The following CBR4 variants were observed in gnomAD, a reference collection of about 807,000 sequenced individuals.
CBR4 encodes the protein 3-oxoacyl-[acyl-carrier-protein] reductase.
CBR4 carries 22 observed loss-of-function variants against 21.0 expected under a neutral mutation model. The ratio of observed to expected loss-of-function variants is 1.05; its 90% CI spans 0.75 to 1.50. The LOEUF (loss-of-function observed/expected upper bound fraction) is 1.50. Among genes scored for constraint, CBR4 ranks in the 40% most tolerant of loss-of-function variants. The pLI is 0.00. For missense variants in CBR4, 302 were observed against 286.3 expected, an observed-to-expected ratio of 1.05 and a Z score of -0.40; for synonymous variants, 100 against 104.4, an observed-to-expected ratio of 0.96 and a Z score of 0.26.
At chr4:168,990,935 T>A (rs1659246136) in intron 4 of CBR4, among the ~76,000 whole-genome samples, 1 of 151,722 alleles carries the variant, frequency 6.6e-6, no homozygotes, top group Non-Finnish European at 1.5e-5. Flanking sequence ...ACGCCTGTAA[T>A]CCCAGCTACT....
chr4:168,949,306 A>G (rs1763476123), intron 2 of CBR4, among the ~76,000 whole-genome samples: 1 of 152,134 alleles, frequency 6.6e-6, no homozygotes, highest in Non-Finnish European at 1.5e-5. Flanking sequence ...TCATATCGTC[A>G]GCAAACAGTG....
At chr4:168,963,750 C>G (rs1763932975) in intron 2 of CBR4, among the ~76,000 whole-genome samples, 1 of 152,008 alleles carries the variant, frequency 6.6e-6, no homozygotes, top group Admixed American at 6.6e-5. Flanking sequence ...GAGGCATGAG[C>G]CACCGCGCCC....
In CBR4 at chr4:168,924,976, C is replaced by T. The variant is rs59633770; in HGVS notation, n.170-30211G>A. On this transcript the variant is annotated intron_variant and non_coding_transcript_variant, in intron 2 of 3. Coordinates refer to the CBR4 transcript ENST00000509108. ...CCAGGACAACCACGGCTACATCTGC[C>T]TGCTCATTCAGGGAGCCACAAAAGA... 1,778 of 1,614,110 alleles carry T rather than the reference C, an allele frequency of 1.1e-3. 17 individuals are homozygous for T. In the East Asian group the frequency reaches 0.025, roughly 23 times the overall value.
At chr4:168,896,042 T>C (rs894150813) in intron 2 of CBR4, among the ~76,000 whole-genome samples, 2 of 152,100 alleles carry the variant, frequency 1.3e-5, no homozygotes, top group Non-Finnish European at 2.9e-5. Flanking sequence ...AAACCCCGTC[T>C]CTACTGAAAA....
Position 168,898,601 on chromosome 4 carries a change from C to T in CBR4, n.170-3836G>A, listed in dbSNP as rs1200043720. The T allele has an allele frequency of 3.1e-6, 5 of 1,613,242 alleles. No individual in the cohort carries two copies. In the African/African-American group the frequency reaches 5.3e-5, roughly 17 times the overall value. On this transcript the variant is annotated intron_variant and non_coding_transcript_variant, in intron 2 of 3. Transcript: ENST00000509108. Reference sequence around the variant, plus strand: ...TGATGAAGTTCAGTATGGAGATGTGCCTGTGGAAAATGGAATGGCACCATT... The same window carrying T: ...TGATGAAGTTCAGTATGGAGATGTGTCTGTGGAAAATGGAATGGCACCATT...
chr4:168,935,440 A>C (rs1224681165), intron 2 of CBR4, among the ~76,000 whole-genome samples: 1 of 152,082 alleles, frequency 6.6e-6, no homozygotes, highest in Non-Finnish European at 1.5e-5. Flanking sequence ...AAGGGGGCTC[A>C]AGCTAGGGAG....
intron 2 of CBR4, among the ~76,000 whole-genome samples, chr4:168,900,468 T>C (rs1343209720): frequency 2.6e-5 from 4 of 152,150 alleles, no homozygotes; most frequent in Non-Finnish European, 5.9e-5. Flanking sequence ...AAAATAAGCA[T>C]AGAGCAATGT....
rs200929216 is a variant in CBR4, at chr4:168,924,509, G to C, written n.170-29744C>G. On this transcript the variant is annotated intron_variant and non_coding_transcript_variant, in intron 2 of 3. Coordinates refer to the CBR4 transcript ENST00000509108. ...CATTTTATATAGCATGGAAATCTAT[G>C]TGTAAAAGCCACATAGATGTTTTGA... The C allele has an allele frequency of 3.6e-5, 45 of 1,247,584 alleles. No individual in the cohort carries two copies. The East Asian group carries it at 9.8e-4, about 27-fold the overall frequency. The allele number at this position is 1,247,584 out of a possible 1,614,324, so 77.3% of individuals were successfully genotyped here. A position where few individuals can be genotyped will look rare whatever the true frequency, so the allele number is the denominator to read the frequency against.
chr4:168,960,822 T>C (rs1282128931), intron 2 of CBR4, among the ~76,000 whole-genome samples: 3 of 152,238 alleles, frequency 2.0e-5, no homozygotes, highest in Non-Finnish European at 4.4e-5. Flanking sequence ...CTTACCAAAA[T>C]GAGCATGTTT....
chr4:168,904,144 T>C, intron 2 of CBR4: 1 of 510,150 alleles, frequency 2.0e-6, no homozygotes, highest in Non-Finnish European at 3.5e-6. Flanking sequence ...AAGGGTCTAA[T>C]ATGTACACAC....
At chr4:168,947,561 CT>C (rs1477217586) in intron 2 of CBR4, among the ~76,000 whole-genome samples, 3 of 152,166 alleles carry the variant, frequency 2.0e-5, no homozygotes, top group African/African-American at 7.2e-5. Context: ...CCCAAGTCCC[CT>C]AAGTCCACTG....
intron 2 of CBR4, among the ~76,000 whole-genome samples, chr4:168,905,292 A>G (rs1757465400): frequency 6.6e-6 from 1 of 150,640 alleles, no homozygotes. Flanking sequence ...CTGGGACTAC[A>G]GGCACCCACC....
intron 2 of CBR4, among the ~76,000 whole-genome samples, chr4:168,953,733 T>C (rs1235778555): frequency 6.6e-6 from 1 of 152,100 alleles, no homozygotes; most frequent in Non-Finnish European, 1.5e-5. Context: ...CCAATCTGCT[T>C]ATTAACACTC....
intron 4 of CBR4, among the ~76,000 whole-genome samples, chr4:168,997,725 T>C (rs1244559463): frequency 6.6e-6 from 1 of 152,186 alleles, no homozygotes. Context: ...CATTTTTATA[T>C]ACAGCAGAGC....
intron 2 of CBR4, among the ~76,000 whole-genome samples, chr4:168,908,660 T>A (rs1758307905): frequency 6.6e-6 from 1 of 152,146 alleles, no homozygotes; most frequent in South Asian, 2.1e-4. Flanking sequence ...AAAAAGTATT[T>A]GGGTTTGAAA....
At chr4:168,897,914 G>A (rs1234953062) in intron 2 of CBR4, 1 of 152,586 alleles carries the variant, frequency 6.6e-6, no homozygotes, top group African/African-American at 2.4e-5. Flanking sequence ...GAGCTGAGGA[G>A]GCGGCCCTTG....
intron 2 of CBR4, chr4:168,921,822 C>A: frequency 2.7e-6 from 3 of 1,112,700 alleles, no homozygotes; most frequent in Non-Finnish European, 4.1e-6. Flanking sequence ...CATTACTAAC[C>A]AATACGGAAA....
In CBR4 at chr4:168,975,043, G is replaced by A. The variant is rs568352209; in HGVS notation, n.169+27028C>T. ...CTTCTCATTTGGGTAGATTGTTTCAGTGGAAAGATCTGGGACTCAATGGCT... is the reference window on the plus strand; with the variant it reads ...CTTCTCATTTGGGTAGATTGTTTCAATGGAAAGATCTGGGACTCAATGGCT... On this transcript the variant is annotated intron_variant and non_coding_transcript_variant, in intron 2 of 3. Coordinates refer to the CBR4 transcript ENST00000509108. Among the ~76,000 whole-genome samples the A allele has an allele frequency of 2.0e-5, 3 of 152,276 alleles. No homozygotes were observed. The East Asian group carries it at 5.8e-4, about 29-fold the overall frequency.
rs141139186 is a variant in CBR4, at chr4:169,010,004, A to T, written c.86T>A (p.Leu29Gln). ...AQLMARKGYRLAVIARNLEGA... is the reference protein window; with the variant it reads ...AQLMARKGYRQAVIARNLEGA... ...TTCCAGGTTTCTGGCAATGACCGCC[A>T]GTCGGTAGCCTTTCCGGGCCATTAA... The change falls in exon 1 of 5, where the codon CTG becomes CAG. Residue 29 changes from leucine to glutamine, a missense_variant. By Grantham distance (113) the Leu-to-Gln change is moderately radical. Coordinates refer to ENST00000306193, the MANE Select transcript of CBR4 (RefSeq NM_032783.5). 47 of 1,613,624 alleles carry T rather than the reference A, an allele frequency of 2.9e-5. No individual in the cohort carries two copies. In the Middle Eastern group the frequency reaches 6.6e-4, roughly 23 times the overall value.
Sources: allele counts gnomAD v4.1 joint callset (sites outside exome capture counted in the v4.1 genomes callset), GRCh38; gene constraint gnomAD v4.1.1; transcripts MANE v1.5; gene names NCBI Gene and HGNC (gene_info 2026-07-23, HGNC 2026-07-21).